Variants in UTRN observed in about 807,000 individuals in gnomAD.
UTRN encodes utrophin.
UTRN carries 283 observed loss-of-function variants against 463.9 expected under a neutral mutation model. The observed-to-expected ratio is 0.61, with a 90% CI of 0.55 to 0.67. The LOEUF (loss-of-function observed/expected upper bound fraction) is 0.67. Among genes scored for constraint, UTRN ranks in the 30% least tolerant of loss-of-function variants. The probability of loss-of-function intolerance (pLI) is 0.00; values close to 1 mark genes in which losing one functional copy is unlikely to be tolerated. For synonymous variants in UTRN, 1,442 were observed against 1,431.5 expected (o/e 1.01, Z -0.17); for missense variants, 3,922 against 4,084.3 (o/e 0.96, Z 1.08).
chr6:144,453,313 G>A (rs1489812946), intron 18 of UTRN, among the ~76,000 whole-genome samples: 1 of 152,032 alleles, frequency 6.6e-6, no homozygotes, highest in Admixed American at 6.6e-5. Flanking sequence ...AGTAGAGTTG[G>A]GGTTTCACCA....
chr6:144,712,469 A>G (rs1330699970), intron 53 of UTRN, among the ~76,000 whole-genome samples: 1 of 152,232 alleles, frequency 6.6e-6, no homozygotes, highest in African/African-American at 2.4e-5. Flanking sequence ...TGTAAAACCA[A>G]TGAACCCTTT....
intron 54 of UTRN, among the ~76,000 whole-genome samples, chr6:144,732,231 TATATATAC>T (rs1380020604): frequency 5.0e-4 from 15 of 29,730 alleles, no homozygotes; most frequent in African/African-American, 1.7e-3. Context: ...TATATATATA[TATATATAC>T]ATATATATAT....
intron 63 of UTRN, among the ~76,000 whole-genome samples, chr6:144,797,582 G>C (rs1777339847): frequency 6.6e-6 from 1 of 152,160 alleles, no homozygotes; most frequent in Non-Finnish European, 1.5e-5. Flanking sequence ...CAAAATCTGA[G>C]TATATTGAAG....
chr6:144,723,327 AACAGATTGGGTG>A, intron 53 of UTRN, among the ~76,000 whole-genome samples: 1 of 152,322 alleles, frequency 6.6e-6, no homozygotes, highest in South Asian at 2.1e-4. Context: ...GTTTAAGATG[AACAGATTGGGTG>A]ACTTTGTTAT....
chr6:144,406,779 A>G (rs908217834), intron 3 of UTRN, among the ~76,000 whole-genome samples: 10 of 152,120 alleles, frequency 6.6e-5, no homozygotes, highest in African/African-American at 2.4e-4. Context: ...TTTTTAAAAA[A>G]CACAATTAAA....
chr6:144,566,649 A>G (rs1392974887), intron 50 of UTRN, among the ~76,000 whole-genome samples: 1 of 152,150 alleles, frequency 6.6e-6, no homozygotes, highest in African/African-American at 2.4e-5. Flanking sequence ...GCAGTGGTCA[A>G]CCTCTATATA....
In UTRN at chr6:144,481,911, T is replaced by G. The variant is rs544561856; in HGVS notation, c.3508-298T>G. On this transcript the variant is annotated intron_variant, in intron 26 of 74. Transcript: ENST00000367545. ...CATCTCGACTAAAAAATATGAAAAT[T>G]AGGTAGGCATAGTGGTGGGTGCCTG... is the stretch of plus-strand genomic sequence containing the variant. Among the ~76,000 whole-genome samples, 134 of 152,040 alleles carry G rather than the reference T, an allele frequency of 8.8e-4. 1 individual carries two copies. Among genetic ancestry groups the G allele is most frequent in the Middle Eastern group, 6.9e-3 (2 of 290 alleles).
At chr6:144,358,982 A>AT (rs1192591073) in intron 2 of UTRN, among the ~76,000 whole-genome samples, 1 of 151,152 alleles carries the variant, frequency 6.6e-6, no homozygotes, top group South Asian at 2.1e-4. Flanking sequence ...AGCATTTTCC[A>AT]TTTTTTTCTG....
chr6:144,650,754 C>T (rs527366497), intron 51 of UTRN, among the ~76,000 whole-genome samples: 12 of 152,118 alleles, frequency 7.9e-5, no homozygotes, highest in East Asian at 3.9e-4. Context: ...ACTAAAAATA[C>T]GAAAATTAGC....
intron 19 of UTRN, among the ~76,000 whole-genome samples, chr6:144,456,486 C>T (rs1353972140): frequency 6.6e-6 from 1 of 151,896 alleles, no homozygotes; most frequent in African/African-American, 2.4e-5. Context: ...AACCTCGTCT[C>T]TACTAAAAAT....
Position 144,491,093 on chromosome 6 carries a change from C to A in UTRN, c.4428C>A (p.Asp1476Glu). 6.2e-7 allele frequency: 1 copy of A among 1,606,206 alleles called. No homozygotes were observed. The highest frequency in any genetic ancestry group is 8.5e-7 in the Non-Finnish European group (1 of 1,177,196). ...CTGACGTCATACAGACGCACCTGGA[C>A]AAGTGTATGGTGAGGCTTTTGGGTG... ...VDPDVIQTHL[D>E]KCMKLYKTLS... The change falls in exon 32 of 75, where the codon GAC becomes GAA. Residue 1476 changes from aspartate (D) to glutamate (E), a missense_variant. By Grantham distance (45) the Asp-to-Glu change is conservative (BLOSUM62 2). Around this residue, in one of 3 missense-constraint regions of UTRN, gnomAD observed 2,349 missense variants for 2,303.8 expected, o/e 1.02. Coordinates refer to ENST00000367545, the MANE Select transcript of UTRN (RefSeq NM_007124.3).
At chr6:144,511,215 G>A in intron 35 of UTRN, 92 bp downstream of exon 35, 1 of 1,236,342 alleles carries the variant, frequency 8.1e-7, no homozygotes, top group African/African-American at 1.5e-5. Flanking sequence ...TTCAAATCCT[G>A]TTTACTGTGT....
intron 20 of UTRN, 32 bp from the exon 21 acceptor site, chr6:144,459,142 T>A: frequency 6.3e-7 from 1 of 1,594,892 alleles, no homozygotes; most frequent in Non-Finnish European, 8.5e-7. Context: ...TCATCTTCAG[T>A]GAGTTGTGTG....
intron 17 of UTRN, among the ~76,000 whole-genome samples, chr6:144,451,017 G>T (rs1788232773): frequency 6.6e-6 from 1 of 152,124 alleles, no homozygotes; most frequent in African/African-American, 2.4e-5. Flanking sequence ...GGAGGCTGAG[G>T]CAGGAGAATC....
At position 144,827,358 on chromosome 6, in the gene UTRN, C is replaced by T. The variant is rs1208133304; in HGVS notation, c.9505C>T (p.Leu3169Phe). ...EGDNLETPIT[L>F]ISMWPEHYDP... ...CTCCCCTCTTTGCAGTCCTATCACACTCATCAGTATGTGGCCAGAGCACTA... is the reference window on the plus strand; with the variant it reads ...CTCCCCTCTTTGCAGTCCTATCACATTCATCAGTATGTGGCCAGAGCACTA... The change falls in exon 67 of 75, where the codon CTC becomes TTC. Residue 3169 changes from leucine to phenylalanine, a missense_variant. Leu to Phe is a conservative substitution (Grantham distance 22). Transcript: ENST00000367545. 6.2e-7 allele frequency: 1 copy of T among 1,613,464 alleles called. No individual in the cohort carries two copies. The highest frequency in any genetic ancestry group is 2.2e-5 in the East Asian group (1 of 44,854).
intron 63 of UTRN, among the ~76,000 whole-genome samples, chr6:144,795,784 T>C (rs1777159442): frequency 6.6e-6 from 1 of 152,196 alleles, no homozygotes; most frequent in African/African-American, 2.4e-5. Flanking sequence ...CTTTGTCAGA[T>C]GGATAGATTG....
intron 2 of UTRN, among the ~76,000 whole-genome samples, chr6:144,371,201 A>G (rs958592884): frequency 5.3e-5 from 8 of 152,136 alleles, no homozygotes; most frequent in African/African-American, 1.9e-4. Context: ...ATGAATTTAT[A>G]TTGCCTATTT....
At chr6:144,418,091 CAAAT>C (rs1405730089) in intron 3 of UTRN, among the ~76,000 whole-genome samples, 1 of 151,868 alleles carries the variant, frequency 6.6e-6, no homozygotes, top group Non-Finnish European at 1.5e-5. Flanking sequence ...AACAGGTAAA[CAAAT>C]AGATGCAGAA....
In UTRN at chr6:144,838,052, A is replaced by G. The variant is rs551515008; in HGVS notation, c.10066-1121A>G. 1.5e-4 allele frequency among the ~76,000 whole-genome samples: 23 copies of G among 152,320 alleles called. No individual in the cohort carries two copies. In the South Asian group the frequency reaches 4.8e-3, roughly 32 times the overall value. On this transcript the variant is annotated intron_variant, in intron 71 of 74. Transcript: ENST00000367545. The stretch of plus-strand genomic sequence containing the variant: ...TGTAAGGGATGGATTTTCTCTTGCA[A>G]TCTCTTGTTTAGAATATGAAGTGTT...
Sources: gnomAD v4.1 joint callset for allele counts (sites outside exome capture counted in the v4.1 genomes callset) on GRCh38, gnomAD v4.1.1 for gene constraint, gnomAD v4.1.1 regional missense constraint, MANE v1.5 for transcripts, NCBI Gene and HGNC (gene_info 2026-07-23, HGNC 2026-07-21) for gene names.